Variants in KCNMB2 observed in about 807,000 individuals in gnomAD.
The protein encoded by KCNMB2 is potassium calcium-activated channel subfamily M regulatory beta subunit 2.
KCNMB2 carries 9 observed loss-of-function variants against 24.5 expected under a neutral mutation model. The ratio of observed to expected loss-of-function variants is 0.37; its 90% CI spans 0.22 to 0.64. The LOEUF (loss-of-function observed/expected upper bound fraction) is 0.64, where lower values mean the gene tolerates loss of function less well. KCNMB2 is among the 30% of genes least tolerant of loss of function. The pLI is 0.63. For missense variants in KCNMB2, 226 were observed against 284.3 expected (o/e 0.79, Z 1.47); for synonymous variants, 109 against 104.4 (o/e 1.04, Z -0.27).
At chr3:178,720,168 C>G (rs556248020) in intron 1 of KCNMB2, among the ~76,000 whole-genome samples, 92 of 151,108 alleles carry the variant, frequency 6.1e-4, no homozygotes, top group African/African-American at 2.1e-3. Context: ...GTGTGATGTT[C>G]CCCTTCCTGT....
intron 1 of KCNMB2, among the ~76,000 whole-genome samples, chr3:178,679,237 T>G (rs954343654): frequency 6.6e-6 from 1 of 152,156 alleles, no homozygotes; most frequent in African/African-American, 2.4e-5. Context: ...TCTCCTTTAT[T>G]TTTTCTTTTT....
intron 1 of KCNMB2, among the ~76,000 whole-genome samples, chr3:178,697,179 A>T (rs1344803556): frequency 6.6e-6 from 1 of 152,094 alleles, no homozygotes; most frequent in East Asian, 1.9e-4. Flanking sequence ...TGTCTCAGTG[A>T]TCTGTCTAAT....
chr3:178,600,799 C>G (rs964916478), intron 1 of KCNMB2, among the ~76,000 whole-genome samples: 4 of 152,100 alleles, frequency 2.6e-5, no homozygotes, highest in Non-Finnish European at 4.4e-5. Flanking sequence ...ATTTATAACC[C>G]TTTGGGTATA....
chr3:178,824,821 A>C (rs1363965571), intron 2 of KCNMB2: 1 of 152,246 alleles, frequency 6.6e-6, no homozygotes, highest in Non-Finnish European at 1.5e-5. Context: ...GCTAACAAGC[A>C]GTGAAATCAG....
chr3:178,816,290 T>C (rs1424659200), intron 2 of KCNMB2, among the ~76,000 whole-genome samples: 1 of 151,942 alleles, frequency 6.6e-6, no homozygotes, highest in Non-Finnish European at 1.5e-5. Context: ...TCTCATTATA[T>C]AGTTATTTTC....
chr3:178,789,564 C>G (rs58710495), intron 1 of KCNMB2, among the ~76,000 whole-genome samples: 4 of 152,202 alleles, frequency 2.6e-5, no homozygotes, highest in Non-Finnish European at 5.9e-5. Flanking sequence ...CTGGCAGAAG[C>G]TGCATGGCAC....
At chr3:178,750,918 C>T (rs1395416546) in intron 1 of KCNMB2, among the ~76,000 whole-genome samples, 1 of 152,210 alleles carries the variant, frequency 6.6e-6, no homozygotes, top group Non-Finnish European at 1.5e-5. Context: ...CCTGAGTACA[C>T]CATAGCACTT....
At chr3:178,678,951 T>C (rs1721165575) in intron 1 of KCNMB2, among the ~76,000 whole-genome samples, 1 of 152,154 alleles carries the variant, frequency 6.6e-6, no homozygotes, top group Non-Finnish European at 1.5e-5. Flanking sequence ...ACTCTATTCG[T>C]ACCCTTCTTA....
At chr3:178,764,879 G>T (rs1712051689) in intron 1 of KCNMB2, among the ~76,000 whole-genome samples, 1 of 152,084 alleles carries the variant, frequency 6.6e-6, no homozygotes, top group South Asian at 2.1e-4. Flanking sequence ...AAATGGAAGG[G>T]TATTTAAATA....
At chr3:178,573,082 T>C (rs1716863054) in intron 1 of KCNMB2, among the ~76,000 whole-genome samples, 1 of 152,138 alleles carries the variant, frequency 6.6e-6, no homozygotes, top group African/African-American at 2.4e-5. Flanking sequence ...CAATCTCAGC[T>C]TACTGCAACT....
chr3:178,813,194 G>A (rs369416336), intron 2 of KCNMB2, among the ~76,000 whole-genome samples: 25 of 152,090 alleles, frequency 1.6e-4, no homozygotes, highest in African/African-American at 5.8e-4. Flanking sequence ...TTATTCCTAA[G>A]TACTACCTTT....
chr3:178,758,630 A>AAGAGGATATATATATATC (rs1711500882), intron 1 of KCNMB2, among the ~76,000 whole-genome samples: 1 of 13,102 alleles, frequency 7.6e-5, no homozygotes, highest in East Asian at 1.2e-3. Context: ...ATATATATAT[A>AAGAGGATATATATATATC]TCTCTCTCTC....
chr3:178,833,161 C>T (rs1715104877), intron 4 of KCNMB2, among the ~76,000 whole-genome samples: 1 of 152,158 alleles, frequency 6.6e-6, no homozygotes. Flanking sequence ...GAGGACCTAT[C>T]TATTTCAGGC....
intron 1 of KCNMB2, among the ~76,000 whole-genome samples, chr3:178,788,532 T>C (rs1172014599): frequency 6.6e-6 from 1 of 152,212 alleles, no homozygotes; most frequent in Non-Finnish European, 1.5e-5. Context: ...GAATACCATA[T>C]ATATTATTTC....
In KCNMB2 at chr3:178,843,198, T is replaced by C. The variant is rs992697135; in HGVS notation, c.*261T>C. The C allele has an allele frequency of 1.8e-6, 1 of 549,490 alleles. No homozygotes were observed. Among genetic ancestry groups the C allele is most frequent in the African/African-American group, 1.9e-5 (1 of 53,566 alleles). The allele number at this position is 549,490 out of a possible 1,614,324, so 34.0% of individuals were successfully genotyped here. Reference sequence around the variant, plus strand: ...TGGAACTAGTACTTTCTTCTCTCATTCCGCCAAAACAGGGCTCAGTTATTC... The same window carrying C: ...TGGAACTAGTACTTTCTTCTCTCATCCCGCCAAAACAGGGCTCAGTTATTC... On this transcript the variant is annotated 3_prime_UTR_variant, in exon 5 of 5. Transcript: ENST00000452583.
intron 1 of KCNMB2, among the ~76,000 whole-genome samples, chr3:178,722,825 G>A (rs917186966): frequency 2.6e-5 from 4 of 152,242 alleles, no homozygotes; most frequent in Non-Finnish European, 4.4e-5. Flanking sequence ...CCCTGGGGGC[G>A]GAGGTTGTTA....
intron 1 of KCNMB2, among the ~76,000 whole-genome samples, chr3:178,794,187 T>C (rs543231189): frequency 1.3e-5 from 2 of 152,264 alleles, no homozygotes; most frequent in East Asian, 3.9e-4. Context: ...GCAACTTCCC[T>C]TGGCCCTTCA....
chr3:178,758,571 T>TATATATATATATATATATCCAAGAGGAG (rs1724330956), intron 1 of KCNMB2, among the ~76,000 whole-genome samples: 1 of 67,280 alleles, frequency 1.5e-5, no homozygotes, highest in African/African-American at 5.7e-5. Flanking sequence ...GATATATATA[T>TATATATATATATATATATCCAAGAGGAG]ATATATATAT....
In KCNMB2 at chr3:178,824,935, T is replaced by C. The variant is rs141041855; in HGVS notation, c.57-653T>C. Reference sequence around the variant, plus strand: ...ATACTAATAAAATTGTCCAAAGTTATAGGGCCTGGGCTCGATTTGAATGAC... The same window carrying C: ...ATACTAATAAAATTGTCCAAAGTTACAGGGCCTGGGCTCGATTTGAATGAC... On this transcript the variant is annotated intron_variant, in intron 2 of 4. Coordinates refer to ENST00000452583, the MANE Select transcript of KCNMB2 (RefSeq NM_181361.3). 1.2e-4 allele frequency among the ~76,000 whole-genome samples: 19 copies of C among 152,320 alleles called. No homozygotes were observed. In the East Asian group the frequency reaches 3.7e-3, roughly 29 times the overall value.
Sources: allele counts gnomAD v4.1 joint callset (sites outside exome capture counted in the v4.1 genomes callset), GRCh38; gene constraint gnomAD v4.1.1; transcripts MANE v1.5; gene names NCBI Gene and HGNC (gene_info 2026-07-23, HGNC 2026-07-21).